The following KDM4B variants were observed in gnomAD, a reference collection of about 807,000 sequenced individuals.
KDM4B encodes the protein lysine-specific demethylase 4B.
KDM4B carries 32 observed loss-of-function variants against 125.2 expected under a neutral mutation model. The observed-to-expected ratio is 0.26, with a 90% confidence interval of 0.19 to 0.34. The LOEUF (loss-of-function observed/expected upper bound fraction) is 0.34. KDM4B is among the 10% of genes least tolerant of loss of function. The pLI, the probability that KDM4B is intolerant of heterozygous loss-of-function variation, is 1.00. For missense variants in KDM4B, 1,190 were observed against 1,577.7 expected, an observed-to-expected ratio of 0.75 and a Z score of 4.16; for synonymous variants, 721 against 677.9, an observed-to-expected ratio of 1.06 and a Z score of -0.99.
intron 1 of KDM4B, among the ~76,000 whole-genome samples, chr19:5,006,152 C>G (rs10412300): frequency 0.26 from 38,847 of 151,880 alleles, 5,144 homozygotes; most frequent in Non-Finnish European, 0.3. Context: ...TCCTTCCATC[C>G]CTGCTGCAGG....
intron 11 of KDM4B, among the ~76,000 whole-genome samples, chr19:5,122,524 A>G (rs1288345024): frequency 6.6e-6 from 1 of 152,276 alleles, no homozygotes; most frequent in Non-Finnish European, 1.5e-5. Context: ...AGGAAAGTAT[A>G]TAACCCAAGG....
intron 1 of KDM4B, among the ~76,000 whole-genome samples, chr19:4,973,619 C>G (rs1406978810): frequency 6.6e-6 from 1 of 152,086 alleles, no homozygotes. Context: ...GGTTTTTGGA[C>G]AAATTAATTT....
intron 1 of KDM4B, among the ~76,000 whole-genome samples, chr19:5,004,784 G>A (rs1489601825): frequency 6.6e-6 from 1 of 152,128 alleles, no homozygotes; most frequent in Non-Finnish European, 1.5e-5. Context: ...GTTGGGCAGA[G>A]GCCACCCCTG....
chr19:5,120,816 G>A (rs1045377359), intron 11 of KDM4B, among the ~76,000 whole-genome samples: 2 of 152,114 alleles, frequency 1.3e-5, no homozygotes, highest in Middle Eastern at 3.2e-3. Context: ...AGGTTTGTGG[G>A]GTGTGCTGGC....
chr19:5,137,752 C>T (rs2039675072), intron 17 of KDM4B, 76 bp downstream of exon 17: 1 of 1,373,140 alleles, frequency 7.3e-7, no homozygotes, highest in South Asian at 1.3e-5. Flanking sequence ...AGGGTGTGAC[C>T]CCAGTGCCTA....
chr19:4,972,636 C>G (rs750145245), intron 1 of KDM4B, among the ~76,000 whole-genome samples: 1 of 152,228 alleles, frequency 6.6e-6, no homozygotes, highest in African/African-American at 2.4e-5. Context: ...CTGTCAACCC[C>G]GCAGTGAGAA....
At chr19:4,995,277 G>C (rs958422395) in intron 1 of KDM4B, among the ~76,000 whole-genome samples, 4 of 151,934 alleles carry the variant, frequency 2.6e-5, no homozygotes, top group Non-Finnish European at 4.4e-5. Context: ...CCTGACACAA[G>C]ACTCCAAATC....
intron 9 of KDM4B, among the ~76,000 whole-genome samples, chr19:5,101,019 A>G (rs1359431014): frequency 1.3e-5 from 2 of 150,404 alleles, no homozygotes; most frequent in East Asian, 2.0e-4. Context: ...TCAGGAGTTC[A>G]AGACCAGCCT....
intron 1 of KDM4B, among the ~76,000 whole-genome samples, chr19:4,972,404 A>G (rs1214188066): frequency 1.3e-5 from 2 of 152,104 alleles, no homozygotes; most frequent in East Asian, 3.9e-4. Flanking sequence ...GGGTGCCAGG[A>G]GCTCTGAGTT....
intron 10 of KDM4B, chr19:5,112,482 C>T (rs2039168556): frequency 6.6e-6 from 1 of 152,296 alleles, no homozygotes; most frequent in Non-Finnish European, 1.5e-5. Context: ...ACTCGAGACC[C>T]AGCCACTGAG....
intron 22 of KDM4B, among the ~76,000 whole-genome samples, chr19:5,150,897 T>A (rs1412127682): frequency 6.6e-6 from 1 of 152,214 alleles, no homozygotes; most frequent in Non-Finnish European, 1.5e-5. Context: ...AACGGGAGCC[T>A]GAGTCCTGGA....
chr19:5,111,508 G>C, intron 10 of KDM4B: 1 of 765,154 alleles, frequency 1.3e-6, no homozygotes, highest in Non-Finnish European at 2.4e-6. Flanking sequence ...GGCAGGTCCC[G>C]GCCTAGGAGG....
At chr19:5,020,813 C>T (rs1174568362) in intron 2 of KDM4B, among the ~76,000 whole-genome samples, 1 of 152,214 alleles carries the variant, frequency 6.6e-6, no homozygotes, top group Non-Finnish European at 1.5e-5. Context: ...CGCTTTCTGT[C>T]TGTGCACACG....
chr19:5,079,910 T>C (rs2038234939), intron 8 of KDM4B, among the ~76,000 whole-genome samples: 1 of 152,110 alleles, frequency 6.6e-6, no homozygotes, highest in East Asian at 1.9e-4. Context: ...CTTAATTTTA[T>C]TTGCCCCTCA....
intron 3 of KDM4B, among the ~76,000 whole-genome samples, chr19:5,037,573 A>C (rs1158095984): frequency 6.6e-6 from 1 of 152,196 alleles, no homozygotes; most frequent in African/African-American, 2.4e-5. Context: ...AGCCGGCGCT[A>C]AGCTGGACTG....
chr19:5,092,272 A>C (rs1599602847), intron 9 of KDM4B, among the ~76,000 whole-genome samples: 1 of 152,260 alleles, frequency 6.6e-6, no homozygotes, highest in African/African-American at 2.4e-5. Flanking sequence ...GGTGCTGAGC[A>C]GTGCCCCTGG....
rs2146127936 is a variant in KDM4B, at chr19:5,151,532, A to T, written c.*21A>T. The stretch of plus-strand genomic sequence containing the variant: ...TCTAGGACAGCTGGCCGCTCAGGCG[A>T]CCCTCAGCCCGGCGGGGAGGCCATG... On this transcript the variant is annotated 3_prime_UTR_variant, in exon 23 of 23. Coordinates refer to ENST00000159111, the MANE Select transcript of KDM4B (RefSeq NM_015015.3). The T allele has an allele frequency of 7.5e-7, 1 of 1,334,442 alleles. No homozygotes were observed. Among genetic ancestry groups the T allele is most frequent in the African/African-American group, 1.5e-5 (1 of 65,448 alleles). The allele number at this position is 1,334,442 out of a possible 1,614,324, so 82.7% of individuals were successfully genotyped here. A position where few individuals can be genotyped will look rare whatever the true frequency, so the allele number is the denominator to read the frequency against.
At chr19:5,088,523 G>C (rs1435778427) in intron 9 of KDM4B, among the ~76,000 whole-genome samples, 1 of 152,118 alleles carries the variant, frequency 6.6e-6, no homozygotes, top group Non-Finnish European at 1.5e-5. Flanking sequence ...CCTGCCCACA[G>C]CTCCACCCGT....
rs553801436 is a variant in KDM4B, at chr19:5,040,877, C to G, written c.318-260C>G. On this transcript the variant is annotated intron_variant, in intron 4 of 22. Coordinates refer to ENST00000159111, the MANE Select transcript of KDM4B (RefSeq NM_015015.3). ...AGGGCCTCTGTCCCCTGCCCACTCC[C>G]CCTGGCGTGTGTTCTGATGTGGGTG... is the stretch of plus-strand genomic sequence containing the variant. Among the ~76,000 whole-genome samples, 8 of 152,360 alleles carry G rather than the reference C, an allele frequency of 5.3e-5. No homozygotes were observed. The South Asian group carries it at 1.7e-3, about 32-fold the overall frequency.
Sources: allele counts gnomAD v4.1 joint callset (sites outside exome capture counted in the v4.1 genomes callset), GRCh38; gene constraint gnomAD v4.1.1; transcripts MANE v1.5; gene names NCBI Gene and HGNC (gene_info 2026-07-23, HGNC 2026-07-21).